RBM33: variants seen among roughly 807,000 people sequenced by gnomAD.
The protein encoded by RBM33 is RNA-binding protein 33.
In RBM33, 28 loss-of-function variants were observed where a neutral mutation model predicts 132.6. The ratio of observed to expected loss-of-function variants is 0.21; its 90% CI spans 0.16 to 0.29. The LOEUF (loss-of-function observed/expected upper bound fraction) is 0.29. RBM33 is among the 10% of genes least tolerant of loss of function. The pLI is 1.00. For synonymous variants in RBM33, 634 were observed against 593.0 expected (o/e 1.07, Z -1.01); for missense variants, 1,291 against 1,518.5 (o/e 0.85, Z 2.49).
At chr7:155,680,457 T>C in intron 4 of RBM33, 133 bp from the exon 5 acceptor site, 1 of 682,902 alleles carries the variant, frequency 1.5e-6, no homozygotes, top group African/African-American at 1.8e-5. Flanking sequence ...GGAGTTAATG[T>C]GCATTTGTCA....
In RBM33 at chr7:155,745,809, C is replaced by T. The variant is rs1036632898; in HGVS notation, c.2979+207C>T. On this transcript the variant is annotated intron_variant, in intron 14 of 17. Coordinates refer to ENST00000401878, the MANE Select transcript of RBM33 (RefSeq NM_053043.3). This position sits in a 1 kb window ranked among gnomAD's most constrained non-coding sequence, Gnocchi z 4.1. ...GAAATGTGTTGTTAGGCGATTTTGT[C>T]ATTGTCTGAACGTGCTAGAATGTAC... 2 of 592,106 alleles carry T rather than the reference C, an allele frequency of 3.4e-6. No homozygotes were observed. The highest frequency in any genetic ancestry group is 3.7e-5 in the African/African-American group (2 of 53,694). 36.7% of individuals were successfully genotyped at this position (592,106 alleles called of 1,614,324 possible).
chr7:155,673,777 C>T (rs1799069359), intron 3 of RBM33, among the ~76,000 whole-genome samples: 1 of 145,254 alleles, frequency 6.9e-6, no homozygotes, highest in African/African-American at 2.6e-5. Flanking sequence ...CGCACACACA[C>T]ACACACACAC....
intron 12 of RBM33, 68 bp downstream of exon 12, chr7:155,740,094 C>T: frequency 6.9e-7 from 1 of 1,446,066 alleles, no homozygotes; most frequent in Non-Finnish European, 9.1e-7. Context: ...ACTTGAGGGG[C>T]ATAATATGTA....
chr7:155,670,402 C>T (rs1798913415), intron 2 of RBM33, among the ~76,000 whole-genome samples: 2 of 152,130 alleles, frequency 1.3e-5, no homozygotes, highest in African/African-American at 2.4e-5. Flanking sequence ...GTTGTTTTTG[C>T]CAAGAGTGGA....
intron 9 of RBM33, among the ~76,000 whole-genome samples, chr7:155,733,685 G>A (rs888322588): frequency 1.3e-5 from 2 of 152,184 alleles, no homozygotes; most frequent in Non-Finnish European, 2.9e-5. Context: ...AATCCCTGCA[G>A]TTGTCAGTCA....
At position 155,727,058 on chromosome 7, in the gene RBM33, G is replaced by A. The variant is rs182680915; in HGVS notation, c.1260+8615G>A. On this transcript the variant is annotated intron_variant, in intron 9 of 17. Transcript: ENST00000401878. ...TGAGTCAGGCTGTGAACCAGGCTGC[G>A]TTTAACAGAAAACTTAGTTAACAGT... 3.7e-4 allele frequency among the ~76,000 whole-genome samples: 57 copies of A among 152,328 alleles called. No individual in the cohort carries two copies. In the East Asian group the frequency reaches 4.4e-3, roughly 12 times the overall value.
At chr7:155,691,646 A>G (rs1480016953) in intron 5 of RBM33, among the ~76,000 whole-genome samples, 3 of 152,230 alleles carry the variant, frequency 2.0e-5, no homozygotes, top group Non-Finnish European at 4.4e-5. Context: ...GAATGTTAAC[A>G]AGTATTATCA....
chr7:155,649,514 C>A (rs1798296766), intron 1 of RBM33, among the ~76,000 whole-genome samples: 1 of 152,160 alleles, frequency 6.6e-6, no homozygotes, highest in Non-Finnish European at 1.5e-5. Context: ...CTGATTAAAT[C>A]ATGTTAGCTT....
Position 155,665,246 on chromosome 7 carries a change from T to A in RBM33, c.115T>A (p.Trp39Arg). 1 of 1,613,698 alleles carries A rather than the reference T, an allele frequency of 6.2e-7. No homozygotes were observed. Among genetic ancestry groups the A allele is most frequent in the Non-Finnish European group, 8.5e-7 (1 of 1,179,648 alleles). The change falls in exon 2 of 18, where the codon TGG becomes AGG. Residue 39 changes from tryptophan to arginine, a missense_variant. Transcript: ENST00000401878. ...SWRRRAADEDWDSELEDDLLG... is the reference protein window; with the variant it reads ...SWRRRAADEDRDSELEDDLLG... ...GAGAAGAAGAGCTGCTGATGAGGAC[T>A]GGGACAGGTACGTGCACCCTGTGCT...
chr7:155,655,301 C>G (rs1215825310), intron 1 of RBM33, among the ~76,000 whole-genome samples: 1 of 152,126 alleles, frequency 6.6e-6, no homozygotes, highest in East Asian at 1.9e-4. Context: ...TAATATGTAA[C>G]TACATGACTG....
intron 1 of RBM33, among the ~76,000 whole-genome samples, chr7:155,657,204 A>G (rs1798516551): frequency 6.6e-6 from 1 of 152,148 alleles, no homozygotes; most frequent in African/African-American, 2.4e-5. Flanking sequence ...CCTGGCCTCT[A>G]ATTTTGGCTT....
At chr7:155,684,077 A>AT (rs1337953410) in intron 5 of RBM33, among the ~76,000 whole-genome samples, 4 of 152,138 alleles carry the variant, frequency 2.6e-5, no homozygotes, top group African/African-American at 9.7e-5. Flanking sequence ...TTGTGTTCAG[A>AT]TTGTCTTGAG....
intron 3 of RBM33, among the ~76,000 whole-genome samples, chr7:155,676,942 C>A (rs7796339): frequency 0.78 from 119,388 of 152,180 alleles, 47,431 homozygotes; most frequent in African/African-American, 0.9. Flanking sequence ...TGCTTGATGC[C>A]TTCTTGGCTC....
At chr7:155,711,129 T>A in intron 7 of RBM33, 74 bp from the exon 8 acceptor site, 1 of 1,427,828 alleles carries the variant, frequency 7.0e-7, no homozygotes, top group Non-Finnish European at 9.2e-7. Flanking sequence ...TTCTTTTAAA[T>A]GTTGATTTCG....
At chr7:155,742,402 T>C (rs1002729284) in intron 13 of RBM33, among the ~76,000 whole-genome samples, 2 of 152,230 alleles carry the variant, frequency 1.3e-5, no homozygotes, top group Non-Finnish European at 2.9e-5. Flanking sequence ...TTTATAAATA[T>C]TTTAGACTTT....
intron 9 of RBM33, among the ~76,000 whole-genome samples, chr7:155,725,758 CTT>C (rs1008474860): frequency 2.0e-5 from 3 of 152,146 alleles, no homozygotes; most frequent in Non-Finnish European, 4.4e-5. Context: ...AGTGGGTGCT[CTT>C]GTTTCACTGC....
At chr7:155,674,082 T>A (rs1799108364) in intron 3 of RBM33, among the ~76,000 whole-genome samples, 1 of 151,634 alleles carries the variant, frequency 6.6e-6, no homozygotes, top group East Asian at 1.9e-4. Context: ...CGCCTGGCTT[T>A]GGCCTAACCC....
At chr7:155,737,026 G>A (rs1801145908) in intron 9 of RBM33, among the ~76,000 whole-genome samples, 1 of 152,160 alleles carries the variant, frequency 6.6e-6, no homozygotes, top group Non-Finnish European at 1.5e-5. Flanking sequence ...GGTTAATGGT[G>A]GACTGCATAG....
rs1802670996 is a variant in RBM33 at position 155,777,780 on chromosome 7, T to A, written c.*2739T>A. 6.5e-6 allele frequency: 1 copy of A among 152,674 alleles called. No individual in the cohort carries two copies. The highest frequency in any genetic ancestry group is 1.5e-5 in the Non-Finnish European group (1 of 68,050). The allele number at this position is 152,674 out of a possible 1,614,324, so 9.5% of individuals were successfully genotyped here. A position where few individuals can be genotyped will look rare whatever the true frequency, so the allele number is the denominator to read the frequency against. ...ATGGATACAGTTCCACAGTTGTTGA[T>A]GTGTTTGTGTGTATATTCGATTTTT... On this transcript the variant is annotated 3_prime_UTR_variant, in exon 18 of 18. Transcript: ENST00000401878.
Sources: allele counts gnomAD v4.1 joint callset (sites outside exome capture counted in the v4.1 genomes callset), GRCh38; gene constraint gnomAD v4.1.1; non-coding constraint Gnocchi (gnomAD v3.1); transcripts MANE v1.5; gene names NCBI Gene and HGNC (gene_info 2026-07-23, HGNC 2026-07-21).